SERPINE3: variants seen among roughly 807,000 people sequenced by gnomAD.
The protein encoded by SERPINE3 is serpin family E member 3.
A neutral mutation model predicts 41.7 loss-of-function variants in SERPINE3; 43 were observed. The ratio of observed to expected loss-of-function variants is 1.03; its 90% CI spans 0.81 to 1.33. The LOEUF (loss-of-function observed/expected upper bound fraction) is 1.33. SERPINE3 is among the 40% of genes most tolerant of loss of function. The pLI is 0.00. For missense variants in SERPINE3, 440 were observed against 491.7 expected, an observed-to-expected ratio of 0.89 and a Z score of 0.99; for synonymous variants, 200 against 192.2, an observed-to-expected ratio of 1.04 and a Z score of -0.34.
rs758829698 is a variant in SERPINE3, at chr13:51,348,315, C to T, written c.803C>T (p.Thr268Ile). The part of the protein sequence containing the change: ...LFLVLPRDKD[T>I]PLSHIEPHLT... ...CTGGTGCTGCCCCGTGACAAAGACA[C>T]CCCCCTGAGCCACATCGAGCCACAC... The change falls in exon 6 of 10, where the codon ACC becomes ATC. Residue 268 changes from threonine (T) to isoleucine (I), a missense_variant. Physicochemically the swap from Thr to Ile is moderately conservative, Grantham distance 89 (BLOSUM62 -1). Coordinates refer to ENST00000681248, the MANE Select transcript of SERPINE3 (RefSeq NM_001386375.1). The T allele has an allele frequency of 6.9e-5, 111 of 1,613,394 alleles. No individual in the cohort carries two copies. The highest frequency in any genetic ancestry group is 8.8e-5 in the Non-Finnish European group (104 of 1,179,646).
chr13:51,362,536 C>A (rs1955602334), intron 9 of SERPINE3: 2 of 152,664 alleles, frequency 1.3e-5, no homozygotes, highest in East Asian at 1.9e-4. Context: ...CTTCCTCCCC[C>A]ACTCACAATT....
chr13:51,360,601 G>T (rs981836805), intron 7 of SERPINE3, among the ~76,000 whole-genome samples: 1 of 152,018 alleles, frequency 6.6e-6, no homozygotes, highest in Non-Finnish European at 1.5e-5. Flanking sequence ...CTTATAATCT[G>T]TGAAACTGTT....
At position 51,361,272 on chromosome 13, in the gene SERPINE3, GGT is replaced by G. The variant is rs1276650655; in HGVS notation, c.1001-5_1001-4del. On this transcript the variant is annotated splice_region_variant and splice_polypyrimidine_tract_variant and intron_variant, in intron 7 of 9. Transcript: ENST00000681248. ...AACTCACATTTTTATCATTTTCTGT[GGT>G]TAGGCCAAGATGGCTTTTATGTTTC... is the stretch of plus-strand genomic sequence containing the variant. 5.0e-6 allele frequency: 8 copies of G among 1,596,666 alleles called. No individual in the cohort carries two copies. Among genetic ancestry groups the G allele is most frequent in the African/African-American group, 1.3e-5 (1 of 74,462 alleles).
intron 9 of SERPINE3, chr13:51,362,317 AT>A (rs1158014097): frequency 4.5e-6 from 1 of 224,030 alleles, no homozygotes; most frequent in East Asian, 1.3e-4. Context: ...TAGTATTCTA[AT>A]GAATGCACCT....
chr13:51,363,454 T>G (rs1955622598), intron 9 of SERPINE3: 2 of 151,718 alleles, frequency 1.3e-5, no homozygotes, highest in South Asian at 4.2e-4. Context: ...TGACAAATCT[T>G]ACTAAGAGCA....
At chr13:51,358,650 T>G (rs1955517128) in intron 7 of SERPINE3, among the ~76,000 whole-genome samples, 1 of 152,124 alleles carries the variant, frequency 6.6e-6, no homozygotes, top group South Asian at 2.1e-4. Flanking sequence ...CCAAGTATTT[T>G]TAATGTAAGT....
At chr13:51,353,401 C>T (rs986897752) in intron 6 of SERPINE3, among the ~76,000 whole-genome samples, 1 of 152,136 alleles carries the variant, frequency 6.6e-6, no homozygotes, top group Admixed American at 6.5e-5. Flanking sequence ...TCTTTACAAC[C>T]CTACAAACAC....
chr13:51,363,442 A>G (rs1955622358), intron 9 of SERPINE3: 1 of 151,858 alleles, frequency 6.6e-6, no homozygotes, highest in Admixed American at 6.6e-5. Context: ...ATTATTTCCA[A>G]CTGACAAATC....
intron 4 of SERPINE3, among the ~76,000 whole-genome samples, chr13:51,345,079 G>A (rs1393373166): frequency 3.3e-5 from 5 of 152,272 alleles, no homozygotes; most frequent in East Asian, 1.9e-4. Context: ...AATCATGAAC[G>A]TTTACTGAGT....
chr13:51,353,889 A>C (rs1462618730), intron 6 of SERPINE3, among the ~76,000 whole-genome samples: 2 of 152,110 alleles, frequency 1.3e-5, no homozygotes, highest in Non-Finnish European at 2.9e-5. Context: ...TTTATTTTCA[A>C]AGAAAAATAA....
intron 9 of SERPINE3, 123 bp from the exon 10 acceptor site, chr13:51,364,116 A>C: frequency 2.2e-6 from 1 of 454,592 alleles, no homozygotes; most frequent in Non-Finnish European, 3.8e-6. Context: ...CAATTACCTT[A>C]ACAATTCCAT....
At position 51,350,539 on chromosome 13, in the gene SERPINE3, C is replaced by A. The variant is rs189902338; in HGVS notation, c.899+2128C>A. Among the ~76,000 whole-genome samples the A allele has an allele frequency of 1.9e-3, 294 of 152,172 alleles. 1 individual carries two copies. The highest frequency in any genetic ancestry group is 6.5e-3 in the African/African-American group (271 of 41,514). On this transcript the variant is annotated intron_variant, in intron 6 of 9. Coordinates refer to ENST00000681248, the MANE Select transcript of SERPINE3 (RefSeq NM_001386375.1). ...ATATCTTCTTAAAATCCACCAGATC[C>A]CACATATTCAAAATGAGTTTTGCCC...
chr13:51,362,609 T>C (rs995226050), intron 9 of SERPINE3: 1 of 152,354 alleles, frequency 6.6e-6, no homozygotes, highest in East Asian at 1.9e-4. Context: ...AAACAGTGTA[T>C]TAAAAAGAAA....
rs368694019 is a variant in SERPINE3 at position 51,355,040 on chromosome 13, T to C, written c.900-3T>C. On this transcript the variant is annotated splice_region_variant and splice_polypyrimidine_tract_variant and intron_variant, in intron 6 of 9. Transcript: ENST00000681248. The stretch of plus-strand genomic sequence containing the variant: ...AAGTTGATGGTTTGTTTTTGCCTTT[T>C]AGGTTTAGGATCCAAAATCAATTCA... 6.8e-7 allele frequency: 1 copy of C among 1,477,822 alleles called. No individual in the cohort carries two copies. Among genetic ancestry groups the C allele is most frequent in the Non-Finnish European group, 9.3e-7 (1 of 1,080,456 alleles). 91.5% of individuals were successfully genotyped at this position (1,477,822 alleles called of 1,614,324 possible).
Position 51,341,167 on chromosome 13 carries a change from A to G in SERPINE3, c.76A>G (p.Met26Val), listed in dbSNP as rs1419586873. 4 of 1,613,916 alleles carry G rather than the reference A, an allele frequency of 2.5e-6. No individual in the cohort carries two copies. Among genetic ancestry groups the G allele is most frequent in the Non-Finnish European group, 1.7e-6 (2 of 1,179,906 alleles). The change falls in exon 3 of 10, where the codon ATG becomes GTG. Residue 26 changes from methionine to valine, a missense_variant. By Grantham distance (21) the Met-to-Val change is conservative. Transcript: ENST00000681248. ...LRANGHLREGMTLLKTEFALH... is the reference protein window; with the variant it reads ...LRANGHLREGVTLLKTEFALH... ...AGCAAATGGCCACCTCCGTGAAGGA[A>G]TGACATTGCTGAAGACTGAGTTTGC...
intron 9 of SERPINE3, chr13:51,363,363 A>G (rs1293657262): frequency 6.6e-6 from 1 of 151,958 alleles, no homozygotes; most frequent in Non-Finnish European, 1.5e-5. Flanking sequence ...ATTAGCCTAC[A>G]TCACACAACA....
chr13:51,340,935 C>A, intron 2 of SERPINE3, 74 bp downstream of exon 2: 1 of 764,678 alleles, frequency 1.3e-6, no homozygotes, highest in Non-Finnish European at 2.1e-6. Flanking sequence ...GGTAGGTAAC[C>A]AAGACAGCTC....
chr13:51,343,204 G>A (rs544597319), intron 3 of SERPINE3, among the ~76,000 whole-genome samples: 75 of 152,324 alleles, frequency 4.9e-4, no homozygotes, highest in African/African-American at 1.6e-3. Context: ...GCCAGGTAGT[G>A]GAGGAAAAGA....
intron 7 of SERPINE3, among the ~76,000 whole-genome samples, 193 bp from the exon 8 acceptor site, chr13:51,361,081 GAGTC>G: frequency 6.6e-6 from 1 of 151,964 alleles, no homozygotes; most frequent in Non-Finnish European, 1.5e-5. Flanking sequence ...GTAACATATT[GAGTC>G]TTAAGAATTT....
Sources: gnomAD v4.1 joint callset for allele counts (sites outside exome capture counted in the v4.1 genomes callset) on GRCh38, gnomAD v4.1.1 for gene constraint, MANE v1.5 for transcripts, NCBI Gene and HGNC (gene_info 2026-07-23, HGNC 2026-07-21) for gene names.